SORCS2: variants seen among roughly 807,000 people sequenced by gnomAD.
SORCS2 encodes the protein sortilin related VPS10 domain containing receptor 2.
A neutral mutation model predicts 141.6 loss-of-function variants in SORCS2; 100 were observed. That is an observed-to-expected ratio of 0.71 (90% CI 0.60 to 0.83). SORCS2 has a LOEUF of 0.83. Among genes scored for constraint, SORCS2 ranks in the 40% least tolerant of loss-of-function variants. The pLI is 0.00. For synonymous variants in SORCS2, 789 were observed against 676.9 expected (o/e 1.17, Z -2.57); for missense variants, 1,646 against 1,560.2 (o/e 1.05, Z -0.93).
intron 2 of SORCS2, among the ~76,000 whole-genome samples, chr4:7,424,034 C>T (rs529766863): frequency 4.2e-4 from 64 of 152,324 alleles, no homozygotes; most frequent in African/African-American, 1.4e-3. Context: ...TGGGTCTGTG[C>T]ACAGCTGGGA....
At chr4:7,426,853 G>A (rs1726477074) in intron 2 of SORCS2, among the ~76,000 whole-genome samples, 1 of 152,182 alleles carries the variant, frequency 6.6e-6, no homozygotes, top group African/African-American at 2.4e-5. Context: ...TTAACGTCTG[G>A]CCTCCCAGAA....
At chr4:7,305,779 G>A (rs757050005) in intron 1 of SORCS2, among the ~76,000 whole-genome samples, 44 of 152,204 alleles carry the variant, frequency 2.9e-4, no homozygotes, top group Non-Finnish European at 1.0e-4. Context: ...ATTTGGAGGT[G>A]TCCCTGGGCT....
intron 3 of SORCS2, among the ~76,000 whole-genome samples, chr4:7,609,874 C>T (rs1013777661): frequency 6.6e-6 from 1 of 152,238 alleles, no homozygotes; most frequent in African/African-American, 2.4e-5. Context: ...TAACCCCAAA[C>T]TCCAATGCCA....
chr4:7,437,212 C>T (rs1727364185), intron 2 of SORCS2, among the ~76,000 whole-genome samples: 1 of 152,170 alleles, frequency 6.6e-6, no homozygotes, highest in Non-Finnish European at 1.5e-5. Context: ...GGCTATAAAC[C>T]AGGGTCCTGA....
intron 3 of SORCS2, among the ~76,000 whole-genome samples, chr4:7,546,754 T>A (rs1387898380): frequency 6.6e-6 from 1 of 152,202 alleles, no homozygotes; most frequent in African/African-American, 2.4e-5. Context: ...GCAGCTTCCC[T>A]GTTAAGCAAG....
At chr4:7,329,356 G>A (rs1029526571) in intron 1 of SORCS2, among the ~76,000 whole-genome samples, 8 of 152,208 alleles carry the variant, frequency 5.3e-5, no homozygotes, top group African/African-American at 9.7e-5. Context: ...CAGAGCAAAC[G>A]TCGTAAAAGA....
At chr4:7,199,544 T>C (rs879527385) in intron 1 of SORCS2, among the ~76,000 whole-genome samples, 2 of 151,912 alleles carry the variant, frequency 1.3e-5, no homozygotes, top group Non-Finnish European at 2.9e-5. Context: ...CTCCTGCCCA[T>C]GGTGTTTCCT....
At chr4:7,506,937 T>C (rs1014352680) in intron 2 of SORCS2, among the ~76,000 whole-genome samples, 27 of 152,170 alleles carry the variant, frequency 1.8e-4, no homozygotes, top group Middle Eastern at 3.4e-3. Flanking sequence ...AGAAAGAGTG[T>C]AGGAAGATTT....
intron 3 of SORCS2, among the ~76,000 whole-genome samples, chr4:7,622,686 G>A (rs1719282168): frequency 6.6e-6 from 1 of 152,074 alleles, no homozygotes; most frequent in Non-Finnish European, 1.5e-5. Context: ...ACGGATATCT[G>A]TTCTTCCAGA....
chr4:7,276,351 C>T (rs1267852774), intron 1 of SORCS2, among the ~76,000 whole-genome samples: 2 of 152,182 alleles, frequency 1.3e-5, no homozygotes, highest in African/African-American at 4.8e-5. Flanking sequence ...GGACCCCCAT[C>T]TCAAGCTGTT....
At chr4:7,475,634 A>G (rs192060049) in intron 2 of SORCS2, among the ~76,000 whole-genome samples, 11 of 152,350 alleles carry the variant, frequency 7.2e-5, no homozygotes, top group African/African-American at 2.2e-4. Flanking sequence ...TCTGAAGAGG[A>G]ATCAGAACTC....
chr4:7,300,559 C>T (rs905087732), intron 1 of SORCS2, among the ~76,000 whole-genome samples: 1 of 152,164 alleles, frequency 6.6e-6, no homozygotes, highest in Non-Finnish European at 1.5e-5. Flanking sequence ...GCAACGTGCA[C>T]GCGTTGACAC....
intron 1 of SORCS2, among the ~76,000 whole-genome samples, chr4:7,358,077 A>C (rs1721365070): frequency 6.6e-6 from 1 of 152,150 alleles, no homozygotes; most frequent in African/African-American, 2.4e-5. Context: ...TGGAGAGAAA[A>C]TAATACATCT....
At chr4:7,253,224 C>T (rs909384531) in intron 1 of SORCS2, among the ~76,000 whole-genome samples, 1 of 152,244 alleles carries the variant, frequency 6.6e-6, no homozygotes, top group Non-Finnish European at 1.5e-5. Context: ...TCCCTTGTCC[C>T]CAGGAGCCCT....
chr4:7,519,125 C>T (rs914828468), intron 2 of SORCS2, among the ~76,000 whole-genome samples: 1 of 152,202 alleles, frequency 6.6e-6, no homozygotes, highest in African/African-American at 2.4e-5. Context: ...GTAGAGCAGG[C>T]ATATCTGCTG....
intron 5 of SORCS2, among the ~76,000 whole-genome samples, chr4:7,656,392 C>T (rs943430491): frequency 1.3e-5 from 2 of 152,184 alleles, no homozygotes; most frequent in Non-Finnish European, 2.9e-5. Context: ...ACTGAGTGTC[C>T]GCTGGGCAGC....
chr4:7,381,050 C>G lies in SORCS2; in HGVS notation c.481-15238C>G, dbSNP rs201947695. Among the ~76,000 whole-genome samples, 10 of 140,914 alleles carry G rather than the reference C, an allele frequency of 7.1e-5. No individual in the cohort carries two copies. In the East Asian group the frequency reaches 2.0e-3, roughly 28 times the overall value. 92.4% of individuals were successfully genotyped at this position (140,914 alleles called of 152,430 possible). On this transcript the variant is annotated intron_variant, in intron 1 of 26. Coordinates refer to ENST00000507866, the MANE Select transcript of SORCS2 (RefSeq NM_020777.3). ...TGAGCTGAGATTGCGCCACTGCACT[C>G]CAGCCTGGGTGATAGAGCAAGACTC... is the stretch of plus-strand genomic sequence containing the variant.
intron 1 of SORCS2, among the ~76,000 whole-genome samples, chr4:7,321,889 T>C (rs1270903064): frequency 6.6e-6 from 1 of 151,338 alleles, no homozygotes; most frequent in Non-Finnish European, 1.5e-5. Flanking sequence ...GCTGGAAAGG[T>C]GTTCGATTTT....
intron 3 of SORCS2, among the ~76,000 whole-genome samples, chr4:7,562,239 G>A (rs944041474): frequency 6.6e-6 from 1 of 152,120 alleles, no homozygotes; most frequent in Non-Finnish European, 1.5e-5. Flanking sequence ...CAATGTGCTC[G>A]ACCCAGGCTG....
Sources: gnomAD v4.1 joint callset for allele counts (sites outside exome capture counted in the v4.1 genomes callset) on GRCh38, gnomAD v4.1.1 for gene constraint, MANE v1.5 for transcripts, NCBI Gene and HGNC (gene_info 2026-07-23, HGNC 2026-07-21) for gene names.